Variants in ANKRD26 observed in about 807,000 individuals in gnomAD.
ANKRD26 encodes the protein ankyrin repeat domain-containing protein 26.
ANKRD26 carries 141 observed loss-of-function variants against 208.7 expected under a neutral mutation model. That is an observed-to-expected ratio of 0.68 (90% CI 0.59 to 0.78). The LOEUF (loss-of-function observed/expected upper bound fraction) is 0.78. ANKRD26 is among the 30% of genes least tolerant of loss of function. ANKRD26 has a pLI of 0.00. For missense variants in ANKRD26, 1,889 were observed against 1,938.7 expected, an observed-to-expected ratio of 0.97 and a Z score of 0.48; for synonymous variants, 636 against 660.4, an observed-to-expected ratio of 0.96 and a Z score of 0.57.
intron 33 of ANKRD26, 125 bp downstream of exon 33, chr10:27,006,792 A>G: frequency 1.3e-6 from 1 of 757,298 alleles, no homozygotes; most frequent in Non-Finnish European, 2.3e-6. Context: ...GATGTGTGTA[A>G]GAAAGAACAT....
At chr10:27,006,288 G>T (rs1391537089) in intron 33 of ANKRD26, among the ~76,000 whole-genome samples, 1 of 152,222 alleles carries the variant, frequency 6.6e-6, no homozygotes, top group East Asian at 1.9e-4. Flanking sequence ...ATTCCACGTG[G>T]TCTAGGGTGG....
chr10:26,977,254 G>T (rs1021958609), intron 5 of ANKRD26, among the ~76,000 whole-genome samples: 1 of 152,138 alleles, frequency 6.6e-6, no homozygotes, highest in Non-Finnish European at 1.5e-5. Context: ...TATTCCCTAG[G>T]AGTAAAGTGG....
chr10:27,024,642 G>A, intron 27 of ANKRD26, 83 bp from the exon 28 acceptor site: 2 of 766,626 alleles, frequency 2.6e-6, no homozygotes, highest in East Asian at 2.7e-5. Context: ...ATGAGTTCAT[G>A]AGTAACATAT....
downstream of ANKRD26, among the ~76,000 whole-genome samples, chr10:26,990,904 TTTAGTC>T (rs2134665920): frequency 6.6e-6 from 1 of 152,222 alleles, no homozygotes; most frequent in South Asian, 2.1e-4. Flanking sequence ...TAAACTAACG[TTTAGTC>T]ATTAAAGAGA....
At chr10:27,049,921 T>C (rs11015483) in intron 16 of ANKRD26, among the ~76,000 whole-genome samples, 12,952 of 152,082 alleles carry the variant, frequency 0.085, 664 homozygotes, top group African/African-American at 0.15. Flanking sequence ...CGTCTGCTTT[T>C]ACTTTTAAAG....
At chr10:27,057,837 T>C (rs1159742631) in intron 15 of ANKRD26, among the ~76,000 whole-genome samples, 6 of 150,744 alleles carry the variant, frequency 4.0e-5, no homozygotes, top group African/African-American at 1.5e-4. Context: ...CTCAGGAGGC[T>C]GAGGCAGGAG....
At chr10:27,045,685 T>G (rs1269319611) in intron 18 of ANKRD26, among the ~76,000 whole-genome samples, 2 of 152,206 alleles carry the variant, frequency 1.3e-5, no homozygotes, top group South Asian at 2.1e-4. Flanking sequence ...AAAAGTACTC[T>G]GATATCTTCA....
the ANKRD26 span, among the ~76,000 whole-genome samples, chr10:26,966,478 T>C: frequency 6.6e-6 from 1 of 151,850 alleles, no homozygotes; most frequent in East Asian, 1.9e-4. Flanking sequence ...CCAGGGCCTG[T>C]TGACAGGTAG....
intron 9 of ANKRD26, among the ~76,000 whole-genome samples, chr10:27,068,691 G>C (rs2055358203): frequency 6.6e-6 from 1 of 152,096 alleles, no homozygotes; most frequent in African/African-American, 2.4e-5. Flanking sequence ...GATCCAGTCA[G>C]TAAGCAGGTG....
At chr10:27,061,327 T>A (rs1360762038) in intron 12 of ANKRD26, 85 bp from the exon 13 acceptor site, 1 of 822,632 alleles carries the variant, frequency 1.2e-6, no homozygotes, top group East Asian at 2.7e-5. Context: ...TAGATATTAA[T>A]AACATTTTAT....
chr10:27,023,242 G>A (rs1189452192), intron 28 of ANKRD26, among the ~76,000 whole-genome samples: 2 of 151,890 alleles, frequency 1.3e-5, no homozygotes, highest in South Asian at 2.1e-4. Context: ...GTTGGGAGGC[G>A]GAGCCAGGAG....
chr10:27,093,238 TCA>T, intron 3 of ANKRD26, 109 bp downstream of exon 3: 3 of 996,160 alleles, frequency 3.0e-6, no homozygotes, highest in East Asian at 2.6e-5. Flanking sequence ...TAAAATACTT[TCA>T]GTCAGGGAAT....
chr10:26,985,360 C>G (rs1246157187), intron 3 of ANKRD26, among the ~76,000 whole-genome samples: 2 of 152,118 alleles, frequency 1.3e-5, no homozygotes, highest in Non-Finnish European at 2.9e-5. Context: ...TTAACATATT[C>G]CACAAGAGGC....
chr10:26,951,013 C>CTTTTTTTTTTTTTTTTTTTT, the ANKRD26 span, among the ~76,000 whole-genome samples: 48 of 100,910 alleles, frequency 4.8e-4, 3 homozygotes, highest in African/African-American at 1.5e-3. Context: ...CTTTTCTTTT[C>CTTTTTTTTTTTTTTTTTTTT]TTTTTCTTTT....
chr10:26,983,630 ACAGATCAACC>A (rs1288212465), intron 3 of ANKRD26, among the ~76,000 whole-genome samples: 1 of 152,158 alleles, frequency 6.6e-6, no homozygotes, highest in Non-Finnish European at 1.5e-5. Context: ...AAAGGGTAAG[ACAGATCAACC>A]CATCCCAAAT....
At chr10:27,023,979 TACACAC>T (rs59987738) in intron 28 of ANKRD26, among the ~76,000 whole-genome samples, 7 of 142,254 alleles carry the variant, frequency 4.9e-5, no homozygotes, top group African/African-American at 1.5e-4. Flanking sequence ...ATTTTATTAC[TACACAC>T]ACACACACAC....
At chr10:27,051,472 T>C in intron 16 of ANKRD26, 1 of 1,065,872 alleles carries the variant, frequency 9.4e-7, no homozygotes, top group South Asian at 2.8e-5. Context: ...TTTTTTGTCT[T>C]ATCAAACTCT....
At position 27,035,645 on chromosome 10, in the gene ANKRD26, G is replaced by C; in HGVS notation, c.2805C>G (p.Asn935Lys). 6.3e-7 allele frequency: 1 copy of C among 1,588,972 alleles called. No individual in the cohort carries two copies. Among genetic ancestry groups the C allele is most frequent in the Non-Finnish European group, 8.5e-7 (1 of 1,172,132 alleles). The change falls in exon 24 of 34, where the codon AAC (asparagine) becomes AAG (lysine). Residue 935 changes from asparagine (N) to lysine (K), a missense_variant. This residue lies in a region of ANKRD26 where 1,272 missense variants were observed against 1,273.8 expected (regional missense o/e 1.00). Coordinates refer to ENST00000376087, the MANE Select transcript of ANKRD26 (RefSeq NM_014915.3). ...CAAAACATTTCTTTTCTTTTTCCTG[G>C]TTTTGATTTTTTATTGTGTCTATTT... The part of the protein sequence containing the change: ...RLEIDTIKNQ[N>K]QEKEKKCFED...
chr10:27,086,625 T>C lies in ANKRD26; in HGVS notation c.639-16A>G. 1 of 1,595,848 alleles carries C rather than the reference T, an allele frequency of 6.3e-7. No homozygotes were observed. The highest frequency in any genetic ancestry group is 8.5e-7 in the Non-Finnish European group (1 of 1,170,050). On this transcript the variant is annotated splice_polypyrimidine_tract_variant and intron_variant, in intron 4 of 33. Coordinates refer to ENST00000376087, the MANE Select transcript of ANKRD26 (RefSeq NM_014915.3). ...TTGGTGACTGCTATGTATAGAAAAA[T>C]GTAACAAAATTATGTTAATACTGAT...
Sources: gnomAD v4.1 joint callset for allele counts (sites outside exome capture counted in the v4.1 genomes callset) on GRCh38, gnomAD v4.1.1 for gene constraint, gnomAD v4.1.1 regional missense constraint, MANE v1.5 for transcripts, NCBI Gene and HGNC (gene_info 2026-07-23, HGNC 2026-07-21) for gene names.